RASGRP3: variants seen among roughly 807,000 people sequenced by gnomAD.
RASGRP3 encodes ras guanyl-releasing protein 3.
A neutral mutation model predicts 82.7 loss-of-function variants in RASGRP3; 54 were observed. The ratio of observed to expected loss-of-function variants is 0.65; its 90% CI spans 0.52 to 0.82. RASGRP3 has a LOEUF of 0.82. Among genes scored for constraint, RASGRP3 ranks in the 40% least tolerant of loss-of-function variants. The pLI is 0.00. For missense variants in RASGRP3, 861 were observed against 828.9 expected (o/e 1.04, Z -0.48); for synonymous variants, 309 against 300.5 (o/e 1.03, Z -0.29).
intron 1 of RASGRP3, among the ~76,000 whole-genome samples, chr2:33,500,642 A>G (rs1669779132): frequency 6.6e-6 from 1 of 152,218 alleles, no homozygotes; most frequent in Non-Finnish European, 1.5e-5. Flanking sequence ...GCAGGTTAAA[A>G]AAATGAGAAG....
At chr2:33,558,187 T>G in intron 15 of RASGRP3, 24 bp from the exon 16 acceptor site, 1 of 1,605,154 alleles carries the variant, frequency 6.2e-7, no homozygotes, top group Non-Finnish European at 8.5e-7. Flanking sequence ...ACTAATCATC[T>G]GCGACACCCT....
chr2:33,539,257 C>A (rs1214644301), intron 12 of RASGRP3, 47 bp downstream of exon 12: 1 of 1,390,480 alleles, frequency 7.2e-7, no homozygotes, highest in Non-Finnish European at 1.0e-6. Context: ...AAGACCCTTT[C>A]TCTTTCCAGA....
intron 17 of RASGRP3, among the ~76,000 whole-genome samples, chr2:33,559,288 G>T (rs966160720): frequency 6.6e-6 from 1 of 152,198 alleles, no homozygotes; most frequent in Non-Finnish European, 1.5e-5. Flanking sequence ...AGGCTGTCAT[G>T]TGTGCGTACT....
At chr2:33,487,629 AC>A (rs1438982821) in intron 1 of RASGRP3, among the ~76,000 whole-genome samples, 2 of 152,218 alleles carry the variant, frequency 1.3e-5, no homozygotes, top group Non-Finnish European at 2.9e-5. Context: ...TTACCCTCAA[AC>A]AAAAGTTTGA....
At chr2:33,447,118 A>AAAAAAG (rs1381379240) in intron 1 of RASGRP3, among the ~76,000 whole-genome samples, 4 of 151,980 alleles carry the variant, frequency 2.6e-5, no homozygotes, top group African/African-American at 9.7e-5. Context: ...AAAAAAAAAA[A>AAAAAAG]AAAAAAGAGG....
At chr2:33,445,323 T>C (rs1421663213) in intron 1 of RASGRP3, among the ~76,000 whole-genome samples, 1 of 152,226 alleles carries the variant, frequency 6.6e-6, no homozygotes, top group East Asian at 1.9e-4. Flanking sequence ...TGCAGCCAAC[T>C]GGAATGATCA....
chr2:33,520,641 C>T lies in RASGRP3; in HGVS notation c.325C>T (p.Leu109=), dbSNP rs1671938285. ...TEEFREVASQ[L]GYEKHVSLID... ...GGAATTTCGGGAAGTAGCTAGTCAA[C>T]TAGGATATGAAAAACACGTCAGCCT... is the stretch of plus-strand genomic sequence containing the variant. The change falls in exon 6 of 18, where the codon CTA becomes TTA. Residue 109 remains leucine (L), a synonymous_variant. Coordinates refer to ENST00000403687, the MANE Select transcript of RASGRP3 (RefSeq NM_001139488.2). 1 of 1,613,842 alleles carries T rather than the reference C, an allele frequency of 6.2e-7. No homozygotes were observed. Among genetic ancestry groups the T allele is most frequent in the African/African-American group, 1.3e-5 (1 of 74,930 alleles).
At chr2:33,559,597 G>T (rs1264878660) in intron 17 of RASGRP3, 2 of 518,598 alleles carry the variant, frequency 3.9e-6, no homozygotes, top group African/African-American at 1.9e-5. Context: ...GATGGAATTT[G>T]TTAGAGTATG....
At chr2:33,451,300 G>A (rs1319844968) in intron 2 of RASGRP3, among the ~76,000 whole-genome samples, 2 of 151,950 alleles carry the variant, frequency 1.3e-5, no homozygotes, top group African/African-American at 4.8e-5. Flanking sequence ...TACATATTTT[G>A]GATATTGGTC....
Position 33,514,969 on chromosome 2 carries a change from C to G in RASGRP3, c.-127-41C>G, listed in dbSNP as rs955907738. ...AAGTGATGCTCTAGTGGGGTCTGAA[C>G]TCTAGTCTAATAACTTTCTCTCTTT... On this transcript the variant is annotated intron_variant, in intron 2 of 17. Transcript: ENST00000403687. 9 of 629,760 alleles carry G rather than the reference C, an allele frequency of 1.4e-5. No homozygotes were observed. In the African/African-American group the frequency reaches 1.7e-4, roughly 12 times the overall value. The allele number at this position is 629,760 out of a possible 1,614,324, so 39.0% of individuals were successfully genotyped here.
rs1675200294 is a variant in RASGRP3 at position 33,549,835 on chromosome 2, A to T, written c.1542+84A>T. ...AAGTAGGAAAATGATACACTAAATA[A>T]AGTTCACTGTCTGCTTTGAATCAGA... On this transcript the variant is annotated intron_variant, in intron 14 of 17. Transcript: ENST00000403687. 1.2e-5 allele frequency: 17 copies of T among 1,432,730 alleles called. No homozygotes were observed. In the Admixed American group the frequency reaches 2.1e-4, roughly 17 times the overall value. The allele number at this position is 1,432,730 out of a possible 1,614,324, so 88.8% of individuals were successfully genotyped here.
rs374245195 is a variant in RASGRP3 at position 33,558,838 on chromosome 2, C to T, written c.1872C>T (p.Gly624=). 103 of 1,614,012 alleles carry T rather than the reference C, an allele frequency of 6.4e-5. No individual in the cohort carries two copies. In the African/African-American group the frequency reaches 9.3e-4, roughly 15 times the overall value. ...TQTEPVWSEA[G]WGDSGSHTFP... ...CTGAACCTGTCTGGTCAGAGGCTGG[C>T]TGGGGGGACTCGGGGTCCCACACCT... Residue 624 remains glycine (G), a synonymous_variant, in exon 17 of 18, where the codon GGC becomes GGT. Transcript: ENST00000403687.
chr2:33,498,970 A>G (rs969498832), intron 1 of RASGRP3, among the ~76,000 whole-genome samples: 1 of 152,184 alleles, frequency 6.6e-6, no homozygotes, highest in Non-Finnish European at 1.5e-5. Context: ...ATTCACTGTA[A>G]TTTTATCCTC....
intron 14 of RASGRP3, among the ~76,000 whole-genome samples, chr2:33,551,559 GGGTGCTGTGGCATGGACCTGTAGTCCCA>G (rs904943659): frequency 3.3e-5 from 5 of 152,010 alleles, no homozygotes; most frequent in African/African-American, 1.2e-4. Context: ...TCAAGGTCCC[GGGTGCTGTGGCATGGACCTGTAGTCCCA>G]GGTACTCAGG....
chr2:33,546,422 C>CAAAA (rs776842532), intron 13 of RASGRP3, among the ~76,000 whole-genome samples: 7 of 79,532 alleles, frequency 8.8e-5, no homozygotes, highest in Non-Finnish European at 1.4e-4. Flanking sequence ...GACTCCGTCT[C>CAAAA]AAAAAAAAAA....
chr2:33,455,694 C>T (rs867963445), intron 2 of RASGRP3, among the ~76,000 whole-genome samples: 6 of 152,218 alleles, frequency 3.9e-5, no homozygotes, highest in East Asian at 3.8e-4. Flanking sequence ...TCTGTTTTCC[C>T]GATAAGATTG....
intron 3 of RASGRP3, 125 bp from the exon 4 acceptor site, chr2:33,516,417 A>T: frequency 1.6e-6 from 1 of 631,600 alleles, no homozygotes; most frequent in Non-Finnish European, 2.7e-6. Flanking sequence ...AAAAAGAAAT[A>T]AAATAAAAGA....
intron 1 of RASGRP3, among the ~76,000 whole-genome samples, chr2:33,488,435 T>G (rs572658454): frequency 1.9e-4 from 29 of 152,296 alleles, no homozygotes; most frequent in Non-Finnish European, 4.0e-4. Context: ...AGGTAATGCT[T>G]TCTATATCAA....
At chr2:33,455,954 A>G (rs186762284) in intron 2 of RASGRP3, among the ~76,000 whole-genome samples, 2 of 152,330 alleles carry the variant, frequency 1.3e-5, no homozygotes, top group East Asian at 3.9e-4. Flanking sequence ...GCTGGATATC[A>G]GTTAGACAAT....
Sources: allele counts gnomAD v4.1 joint callset (sites outside exome capture counted in the v4.1 genomes callset), GRCh38; gene constraint gnomAD v4.1.1; transcripts MANE v1.5; gene names NCBI Gene and HGNC (gene_info 2026-07-23, HGNC 2026-07-21).